Variants in SHLD1 observed in about 807,000 individuals in gnomAD.
The protein encoded by SHLD1 is RINN1-REV7-interacting novel NHEJ regulator 3.
In SHLD1, 3 loss-of-function variants were observed where a neutral mutation model predicts 5.5. The ratio of observed to expected loss-of-function variants is 0.54; its 90% CI spans 0.25 to 1.40. The LOEUF (loss-of-function observed/expected upper bound fraction) is 1.40, where lower values mean the gene tolerates loss of function less well. SHLD1 is among the 40% of genes most tolerant of loss of function. The pLI is 0.15. For synonymous variants in SHLD1, 92 were observed against 94.3 expected, an observed-to-expected ratio of 0.98 and a Z score of 0.14; for missense variants, 210 against 244.4, an observed-to-expected ratio of 0.86 and a Z score of 0.94.
chr20:5,825,813 G>A (rs1405161843), intron 2 of SHLD1, among the ~76,000 whole-genome samples: 1 of 152,232 alleles, frequency 6.6e-6, no homozygotes, highest in African/African-American at 2.4e-5. Context: ...TCCAGAGCAT[G>A]GTTGTTTTTA....
intron 1 of SHLD1, among the ~76,000 whole-genome samples, chr20:5,756,098 A>T (rs8120556): frequency 6.6e-6 from 1 of 151,858 alleles, no homozygotes; most frequent in Non-Finnish European, 1.5e-5. Context: ...TTGTGCCTAC[A>T]CTTCGAAGAG....
intron 1 of SHLD1, among the ~76,000 whole-genome samples, chr20:5,762,315 T>G (rs1196890291): frequency 6.6e-6 from 1 of 152,148 alleles, no homozygotes; most frequent in Admixed American, 6.6e-5. Context: ...TTTAGATTTT[T>G]CACAACATGC....
intron 2 of SHLD1, among the ~76,000 whole-genome samples, chr20:5,815,168 G>C (rs1460844479): frequency 1.3e-5 from 2 of 152,110 alleles, no homozygotes; most frequent in African/African-American, 4.8e-5. Flanking sequence ...TGAGCCCCTT[G>C]AACCACTGTG....
At chr20:5,805,968 G>A (rs895989548) in intron 2 of SHLD1, among the ~76,000 whole-genome samples, 2 of 152,110 alleles carry the variant, frequency 1.3e-5, no homozygotes, top group Non-Finnish European at 2.9e-5. Flanking sequence ...TATTGAATGG[G>A]GAGAAAGCAC....
At chr20:5,798,617 CT>C (rs35976290) in intron 2 of SHLD1, among the ~76,000 whole-genome samples, 83,858 of 136,612 alleles carry the variant, frequency 0.61, 25,703 homozygotes, top group East Asian at 0.79. Context: ...TTTTAGTTTT[CT>C]TTTTTTTTTT....
chr20:5,761,193 G>T (rs1417302161), intron 1 of SHLD1, among the ~76,000 whole-genome samples: 1 of 152,004 alleles, frequency 6.6e-6, no homozygotes, highest in East Asian at 1.9e-4. Flanking sequence ...ACTCATAAGT[G>T]GGAGTTGAAC....
intron 2 of SHLD1, among the ~76,000 whole-genome samples, chr20:5,841,470 A>G (rs2087859862): frequency 6.6e-6 from 1 of 152,332 alleles, no homozygotes; most frequent in Admixed American, 6.5e-5. Context: ...AAATTTAGTC[A>G]TCCAGAATGA....
intron 1 of SHLD1, among the ~76,000 whole-genome samples, chr20:5,757,070 T>C (rs1984158795): frequency 6.8e-6 from 1 of 148,086 alleles, no homozygotes; most frequent in Non-Finnish European, 1.5e-5. Flanking sequence ...TTTCTTTCTT[T>C]CTTTTTTTTT....
At chr20:5,832,834 A>C (rs529593833) in intron 2 of SHLD1, among the ~76,000 whole-genome samples, 31 of 149,416 alleles carry the variant, frequency 2.1e-4, no homozygotes, top group Admixed American at 3.3e-4. Flanking sequence ...TAAATAAATA[A>C]ATAAATAAAT....
intron 2 of SHLD1, among the ~76,000 whole-genome samples, chr20:5,835,924 A>C (rs1212345080): frequency 6.6e-6 from 1 of 152,208 alleles, no homozygotes; most frequent in Admixed American, 6.5e-5. Flanking sequence ...TATGCTAGCA[A>C]CTTGCCCCTG....
At chr20:5,818,117 C>T (rs911090106) in intron 2 of SHLD1, among the ~76,000 whole-genome samples, 1 of 151,106 alleles carries the variant, frequency 6.6e-6, no homozygotes, top group Non-Finnish European at 1.5e-5. Context: ...GACAGCCTTG[C>T]TCTGTTGGAG....
intron 2 of SHLD1, among the ~76,000 whole-genome samples, chr20:5,860,352 A>AAC (rs2088145687): frequency 6.6e-6 from 1 of 152,178 alleles, no homozygotes; most frequent in African/African-American, 2.4e-5. Context: ...ATTTTTTTAC[A>AAC]ACAATTTTTT....
chr20:5,853,192 T>C (rs1356836527), intron 2 of SHLD1, among the ~76,000 whole-genome samples: 1 of 152,078 alleles, frequency 6.6e-6, no homozygotes, highest in Non-Finnish European at 1.5e-5. Context: ...TGGGAGAAGA[T>C]AGAAAATAAA....
At chr20:5,833,804 A>G (rs1413391330) in intron 2 of SHLD1, among the ~76,000 whole-genome samples, 1 of 133,496 alleles carries the variant, frequency 7.5e-6, no homozygotes, top group Non-Finnish European at 1.6e-5. Context: ...AGAGAGAAAG[A>G]GAGAGGGGGC....
At chr20:5,804,348 AAAC>A (rs1327309345) in intron 2 of SHLD1, among the ~76,000 whole-genome samples, 1 of 135,580 alleles carries the variant, frequency 7.4e-6, no homozygotes, top group African/African-American at 3.1e-5. Flanking sequence ...TCGCAAAAAA[AAAC>A]TATATATATA....
rs191537482 is a variant in SHLD1, at chr20:5,854,997, C to T, written c.179-8027C>T. Among the ~76,000 whole-genome samples, 868 of 152,086 alleles carry T rather than the reference C, an allele frequency of 5.7e-3. 3 individuals carry two copies. The highest frequency in any genetic ancestry group is 0.017 in the Middle Eastern group (5 of 294). On this transcript the variant is annotated intron_variant, in intron 2 of 2. Coordinates refer to ENST00000303142, the MANE Select transcript of SHLD1 (RefSeq NM_152504.4). ...CAAGTGATCCTCCCACCTCAGCCTCCCAAGTAGCCGGGACTACAGGCATGA... is the reference window on the plus strand; with the variant it reads ...CAAGTGATCCTCCCACCTCAGCCTCTCAAGTAGCCGGGACTACAGGCATGA...
intron 2 of SHLD1, among the ~76,000 whole-genome samples, chr20:5,815,430 G>C (rs1451760321): frequency 6.6e-6 from 1 of 152,220 alleles, no homozygotes; most frequent in African/African-American, 2.4e-5. Flanking sequence ...TCAGTAAAGT[G>C]TGAGGTGGAG....
chr20:5,862,419 C>T (rs907855698), intron 2 of SHLD1, among the ~76,000 whole-genome samples: 9 of 152,224 alleles, frequency 5.9e-5, no homozygotes, highest in African/African-American at 2.2e-4. Flanking sequence ...ATCTGAGAAC[C>T]TACCAAGGAA....
intron 2 of SHLD1, among the ~76,000 whole-genome samples, chr20:5,831,911 T>C (rs1259358724): frequency 6.6e-6 from 1 of 152,164 alleles, no homozygotes; most frequent in African/African-American, 2.4e-5. Flanking sequence ...ATAATACATG[T>C]GCTTTCATGC....
Sources: gnomAD v4.1 joint callset for allele counts (sites outside exome capture counted in the v4.1 genomes callset) on GRCh38, gnomAD v4.1.1 for gene constraint, MANE v1.5 for transcripts, NCBI Gene and HGNC (gene_info 2026-07-23, HGNC 2026-07-21) for gene names.